Variants in CCNH observed in about 807,000 individuals in gnomAD.
CCNH encodes the protein cyclin-H.
Under a neutral mutation model 41.9 loss-of-function variants are expected in CCNH, and 31 were observed. That is an observed-to-expected ratio of 0.74 (90% CI 0.56 to 1.00). The LOEUF is 1.00. Among genes scored for constraint, CCNH ranks in the 50% least tolerant of loss-of-function variants. CCNH has a pLI of 0.00. For missense variants in CCNH, 362 were observed against 388.4 expected (o/e 0.93, Z 0.57); for synonymous variants, 138 against 136.1 (o/e 1.01, Z -0.10).
chr5:87,319,799 C>T (rs919471955), intron 9 of CCNH, among the ~76,000 whole-genome samples: 7 of 152,168 alleles, frequency 4.6e-5, no homozygotes, highest in Admixed American at 2.0e-4. Context: ...AAATTTCTAC[C>T]ACTGGCTTGA....
chr5:87,322,085 A>G (rs1756861384), intron 9 of CCNH, among the ~76,000 whole-genome samples: 1 of 152,180 alleles, frequency 6.6e-6, no homozygotes, highest in Non-Finnish European at 1.5e-5. Flanking sequence ...TGTTTGGATC[A>G]TAAAGGTGGA....
upstream of CCNH, among the ~76,000 whole-genome samples, chr5:87,380,786 T>C (rs1761656499): frequency 6.6e-6 from 1 of 152,186 alleles, no homozygotes; most frequent in African/African-American, 2.4e-5. Context: ...GTTTGCATTT[T>C]CTAAAAACAT....
chr5:87,355,284 C>G (rs1453492143), intron 9 of CCNH, among the ~76,000 whole-genome samples: 1 of 152,140 alleles, frequency 6.6e-6, no homozygotes, highest in Non-Finnish European at 1.5e-5. Context: ...CTGACTGACT[C>G]TTTTCAGGGG....
chr5:87,375,550 T>TA (rs1260495593), downstream of CCNH, among the ~76,000 whole-genome samples: 2 of 152,126 alleles, frequency 1.3e-5, no homozygotes, highest in Non-Finnish European at 2.9e-5. Context: ...ACCATATAAG[T>TA]AAAAAAGTAT....
chr5:87,406,861 C>T (rs1208742970), intron 4 of CCNH, among the ~76,000 whole-genome samples: 7 of 152,166 alleles, frequency 4.6e-5, no homozygotes, highest in South Asian at 2.1e-4. Flanking sequence ...CATACAGATG[C>T]GCGATAAATA....
At position 87,362,563 on chromosome 5, in the gene CCNH, G is replaced by C. The variant is rs1158633040; in HGVS notation, c.*90+30207C>G. 6.3e-7 allele frequency: 1 copy of C among 1,591,528 alleles called. No homozygotes were observed. The highest frequency in any genetic ancestry group is 1.1e-5 in the South Asian group (1 of 90,572). The stretch of plus-strand genomic sequence containing the variant: ...TTTTAAAATTCAGGATCAAGAACAA[G>C]TACTCAATGACACAGTGGATGGCAA... On this transcript the variant is annotated intron_variant and NMD_transcript_variant, in intron 9 of 9. Transcript: ENST00000645953.
chr5:87,385,624 A>G (rs1368722591), intron 9 of CCNH, among the ~76,000 whole-genome samples: 4 of 152,118 alleles, frequency 2.6e-5, no homozygotes, highest in Non-Finnish European at 5.9e-5. Context: ...GGTCCAGTGT[A>G]CTCAAATTCT....
intron 9 of CCNH, among the ~76,000 whole-genome samples, chr5:87,326,392 A>T (rs1054934504): frequency 6.6e-6 from 1 of 152,146 alleles, no homozygotes. Context: ...ATGATATTGT[A>T]TGTAAATTGA....
upstream of CCNH, among the ~76,000 whole-genome samples, chr5:87,381,386 A>G (rs1373365206): frequency 6.6e-6 from 1 of 152,202 alleles, no homozygotes; most frequent in African/African-American, 2.4e-5. Flanking sequence ...AATTCCAGGC[A>G]AATGGAAGTT....
intron 9 of CCNH, chr5:87,366,266 TAAGG>T (rs1354999742): frequency 6.9e-6 from 2 of 290,040 alleles, no homozygotes; most frequent in Non-Finnish European, 1.5e-5. Context: ...AGATGAATCT[TAAGG>T]AAGTATTAAG....
At chr5:87,362,722 T>G (rs371732638) in intron 9 of CCNH, 328 of 1,567,302 alleles carry the variant, frequency 2.1e-4, no homozygotes, top group Non-Finnish European at 2.7e-4. Flanking sequence ...GTTGTAAATA[T>G]GGAGCTCCGA....
rs890231302 is a variant in CCNH, at chr5:87,365,274, G to A, written c.*90+27496C>T. ...TTATATTTCAAAAATTATAACACTC[G>A]AAATCATATGATCCCTGTATAAACT... is the stretch of plus-strand genomic sequence containing the variant. On this transcript the variant is annotated intron_variant and NMD_transcript_variant, in intron 9 of 9. Coordinates refer to the CCNH transcript ENST00000645953. 7.9e-5 allele frequency among the ~76,000 whole-genome samples: 12 copies of A among 152,174 alleles called. No individual in the cohort carries two copies. In the Middle Eastern group the frequency reaches 0.014, roughly 173 times the overall value.
At chr5:87,395,732 T>C in intron 7 of CCNH, among the ~76,000 whole-genome samples, 1 of 151,998 alleles carries the variant, frequency 6.6e-6, no homozygotes, top group East Asian at 1.9e-4. Context: ...AATTAACCAA[T>C]GTGGTTGAGC....
At chr5:87,346,770 TA>T in intron 9 of CCNH, 1 of 1,386,214 alleles carries the variant, frequency 7.2e-7, no homozygotes. Flanking sequence ...TTAAAGAGAA[TA>T]AAAAAGTGAA....
At chr5:87,346,615 C>CAT (rs1293695199) in intron 9 of CCNH, 5 of 1,105,484 alleles carry the variant, frequency 4.5e-6, no homozygotes, top group Non-Finnish European at 5.4e-6. Flanking sequence ...TAATTTTGAT[C>CAT]ATATGATAAC....
chr5:87,369,891 A>C (rs766252740), intron 9 of CCNH: 1 of 1,606,660 alleles, frequency 6.2e-7, no homozygotes. Flanking sequence ...AAACTCCAGA[A>C]CAAGCAGAGG....
intron 9 of CCNH, among the ~76,000 whole-genome samples, chr5:87,330,231 T>C (rs1324531679): frequency 6.6e-6 from 1 of 152,094 alleles, no homozygotes; most frequent in Admixed American, 6.6e-5. Context: ...TTTTAAAAAT[T>C]AAGGAGTCAA....
Position 87,407,994 on chromosome 5 carries a change from G to A in CCNH, c.507C>T (p.Gly169=), listed in dbSNP as rs763108238. Residue 169 remains glycine, a synonymous_variant, in exon 4 of 9, where the codon GGC becomes GGT. Coordinates refer to ENST00000256897, the MANE Select transcript of CCNH (RefSeq NM_001239.4). Reference sequence around the variant, plus strand: ...AGTTTACCTTTAAGTCGATGAGGAAGCCCTCAAATGGTCTGTAAGGATTGT... The same window carrying A: ...AGTTTACCTTTAAGTCGATGAGGAAACCCTCAAATGGTCTGTAAGGATTGT... ...IVHNPYRPFE[G]FLIDLKTRYP... 1.2e-6 allele frequency: 2 copies of A among 1,610,684 alleles called. No individual in the cohort carries two copies. Among genetic ancestry groups the A allele is most frequent in the Non-Finnish European group, 1.7e-6 (2 of 1,176,868 alleles).
exon 1 of CCNH, chr5:87,376,337 A>C: frequency 1.9e-6 from 3 of 1,591,076 alleles, no homozygotes; most frequent in Non-Finnish European, 1.7e-6. Flanking sequence ...ATTTACTTGC[A>C]TGACTAATTA....
Sources: gnomAD v4.1 joint callset for allele counts (sites outside exome capture counted in the v4.1 genomes callset) on GRCh38, gnomAD v4.1.1 for gene constraint, MANE v1.5 for transcripts, NCBI Gene and HGNC (gene_info 2026-07-23, HGNC 2026-07-21) for gene names.